Variants in LRBA observed in about 807,000 individuals in gnomAD.
The protein encoded by LRBA is lipopolysaccharide-responsive and beige-like anchor protein.
Under a neutral mutation model 330.0 loss-of-function variants are expected in LRBA, and 176 were observed. The ratio of observed to expected loss-of-function variants is 0.53; its 90% CI spans 0.47 to 0.60. The LOEUF is 0.60. LRBA is among the 20% of genes least tolerant of loss of function. The probability of loss-of-function intolerance (pLI) is 0.00; values close to 1 mark genes in which losing one functional copy is unlikely to be tolerated. For missense variants in LRBA, 3,259 were observed against 3,444.8 expected, an observed-to-expected ratio of 0.95 and a Z score of 1.35; for synonymous variants, 1,230 against 1,193.0, an observed-to-expected ratio of 1.03 and a Z score of -0.64.
At chr4:150,356,230 A>G (rs908804030) in intron 47 of LRBA, among the ~76,000 whole-genome samples, 2 of 152,068 alleles carry the variant, frequency 1.3e-5, no homozygotes, top group Non-Finnish European at 2.9e-5. Flanking sequence ...TGTGGATCAC[A>G]TTTCACTTCT....
chr4:150,658,522 CCT>C (rs1177971277), intron 37 of LRBA, among the ~76,000 whole-genome samples: 6 of 16 alleles, frequency 0.38, no homozygotes, highest in Non-Finnish European at 0.43. Context: ...TCTCCCTCTC[CCT>C]CTCCCTCTCC....
chr4:150,733,480 T>C (rs1428461549), intron 36 of LRBA, among the ~76,000 whole-genome samples: 1 of 151,902 alleles, frequency 6.6e-6, no homozygotes, highest in Admixed American at 6.6e-5. Flanking sequence ...GGGAGAACAG[T>C]GAATAGGAGT....
intron 34 of LRBA, among the ~76,000 whole-genome samples, chr4:150,786,879 T>C (rs867974172): frequency 2.0e-5 from 3 of 152,132 alleles, no homozygotes; most frequent in African/African-American, 4.8e-5. Flanking sequence ...GAAGAACCTA[T>C]TGGGCAATTA....
intron 2 of LRBA, among the ~76,000 whole-genome samples, chr4:150,973,005 G>T (rs994683744): frequency 1.3e-5 from 2 of 152,184 alleles, no homozygotes; most frequent in African/African-American, 2.4e-5. Flanking sequence ...ATTAGTCTTG[G>T]CCGGGACTGG....
intron 13 of LRBA, among the ~76,000 whole-genome samples, chr4:150,904,554 T>TA (rs1483954084): frequency 2.6e-5 from 4 of 152,078 alleles, no homozygotes; most frequent in African/African-American, 9.7e-5. Flanking sequence ...CCCCTCCAAC[T>TA]AAGTATCTAA....
intron 46 of LRBA, among the ~76,000 whole-genome samples, chr4:150,425,259 T>TA (rs1354973614): frequency 2.0e-5 from 3 of 152,194 alleles, no homozygotes; most frequent in East Asian, 1.9e-4. Flanking sequence ...CAGCTCTGGA[T>TA]AAAAAACACA....
In LRBA at chr4:150,603,729, GCCTCAAATGAT is replaced by G. The variant is rs142234617; in HGVS notation, c.5922-4609_5922-4599del. ...TGCCCAGGCTGGTTTCGAACTCTTG[GCCTCAAATGAT>G]CCTCCTCCTTGAGCCTCCTGAGTAG... On this transcript the variant is annotated intron_variant, in intron 37 of 56. Transcript: ENST00000651943. Among the ~76,000 whole-genome samples the G allele has an allele frequency of 1.6e-3, 244 of 152,092 alleles. 1 individual carries two copies. The highest frequency in any genetic ancestry group is 3.7e-3 in the Admixed American group (56 of 15,240).
Position 150,928,967 on chromosome 4 carries a change from C to T in LRBA, c.315G>A (p.Thr105=), listed in dbSNP as rs755713891. 9.5e-5 allele frequency: 153 copies of T among 1,613,584 alleles called. No homozygotes were observed. The highest frequency in any genetic ancestry group is 3.3e-5 in the Non-Finnish European group (39 of 1,179,860). Residue 105 remains threonine, a synonymous_variant, in exon 3 of 57, where the codon ACG becomes ACA. Coordinates refer to ENST00000651943, the MANE Select transcript of LRBA (RefSeq NM_001364905.1). Reference sequence around the variant, plus strand: ...ACATGCTCCAGACTTCTGCTTGGCACGTAATGTCACATTTTTCCAGTAGGT... The same window carrying T: ...ACATGCTCCAGACTTCTGCTTGGCATGTAATGTCACATTTTTCCAGTAGGT... The part of the protein sequence containing the change: ...MVDLLEKCDI[T]CQAEVWSMFT...
At chr4:150,923,184 CAAAAAAA>C (rs372277904) in intron 4 of LRBA, among the ~76,000 whole-genome samples, 1 of 137,322 alleles carries the variant, frequency 7.3e-6, no homozygotes. Flanking sequence ...ATCGTAAAGT[CAAAAAAA>C]AAAAAAAACA....
chr4:150,677,538 A>G (rs1372622072), intron 37 of LRBA, among the ~76,000 whole-genome samples: 1 of 152,242 alleles, frequency 6.6e-6, no homozygotes, highest in African/African-American at 2.4e-5. Context: ...TTATACAAAA[A>G]TATTTTACTC....
chr4:150,986,298 C>G (rs1470824160), intron 2 of LRBA, among the ~76,000 whole-genome samples: 2 of 152,116 alleles, frequency 1.3e-5, no homozygotes, highest in African/African-American at 4.8e-5. Flanking sequence ...AGATGAACGG[C>G]AGGCAAGCGA....
In LRBA at chr4:150,908,904, C is replaced by T. The variant is rs554409927; in HGVS notation, c.1162-47G>A. On this transcript the variant is annotated intron_variant, in intron 9 of 56. Transcript: ENST00000651943. The stretch of plus-strand genomic sequence containing the variant: ...TTAAATAGTATGCCACAAAGAGAAT[C>T]TAAGTACAAATCAACACAGGTGTAA... 7 of 1,323,170 alleles carry T rather than the reference C, an allele frequency of 5.3e-6. No individual in the cohort carries two copies. The South Asian group carries it at 6.4e-5, about 12-fold the overall frequency. 82.0% of individuals were successfully genotyped at this position (1,323,170 alleles called of 1,614,324 possible). A position where few individuals can be genotyped will look rare whatever the true frequency, so the allele number is the denominator to read the frequency against.
At chr4:150,408,950 A>G (rs1262410923) in intron 47 of LRBA, among the ~76,000 whole-genome samples, 2 of 151,906 alleles carry the variant, frequency 1.3e-5, no homozygotes, top group Non-Finnish European at 2.9e-5. Context: ...TTTTCCCCAT[A>G]TATCTGCTAT....
chr4:150,895,421 T>G (rs983417771), intron 16 of LRBA, among the ~76,000 whole-genome samples: 2 of 152,148 alleles, frequency 1.3e-5, no homozygotes, highest in South Asian at 2.1e-4. Context: ...CTCCAAATGC[T>G]ATCCCTCCCC....
chr4:151,002,093 A>C (rs1463685550), intron 2 of LRBA, among the ~76,000 whole-genome samples: 1 of 151,928 alleles, frequency 6.6e-6, no homozygotes, highest in East Asian at 1.9e-4. Flanking sequence ...ACGTCTTCAA[A>C]TAAAAAGTCC....
intron 47 of LRBA, among the ~76,000 whole-genome samples, chr4:150,354,605 A>C (rs1443295778): frequency 6.6e-6 from 1 of 152,120 alleles, no homozygotes; most frequent in Non-Finnish European, 1.5e-5. Context: ...ACTAATGTCC[A>C]ATTGTTAAGG....
chr4:150,695,307 G>A (rs1037821041), intron 36 of LRBA, among the ~76,000 whole-genome samples: 10 of 152,072 alleles, frequency 6.6e-5, no homozygotes, highest in African/African-American at 2.4e-4. Flanking sequence ...TACATCTACA[G>A]ATTCGACCAA....
Position 150,265,752 on chromosome 4 carries a change from C to T in LRBA, c.8529G>A (p.Arg2843=), listed in dbSNP as rs765368768. 6.2e-7 allele frequency: 1 copy of T among 1,613,712 alleles called. No homozygotes were observed. Among genetic ancestry groups the T allele is most frequent in the Non-Finnish European group, 8.5e-7 (1 of 1,179,670 alleles). ...AGCGGGTTTGGTATTCATGATGCCA[C>T]CGGTTAAAGTCGTTGTAAAATAGCA... ...SIVLFYNDFN[R]WHHEYQTRY Residue 2843 remains arginine, a synonymous_variant, in exon 57 of 57, where the codon CGG becomes CGA. Transcript: ENST00000651943.
At chr4:150,326,819 C>G (rs768774150) in intron 48 of LRBA, among the ~76,000 whole-genome samples, 1 of 152,064 alleles carries the variant, frequency 6.6e-6, no homozygotes, top group Non-Finnish European at 1.5e-5. Context: ...AAGGCTACTT[C>G]GACACTCCCG....
Sources: allele counts gnomAD v4.1 joint callset (sites outside exome capture counted in the v4.1 genomes callset), GRCh38; gene constraint gnomAD v4.1.1; transcripts MANE v1.5; gene names NCBI Gene and HGNC (gene_info 2026-07-23, HGNC 2026-07-21).